The following CHTF18 variants were observed in gnomAD, a reference collection of about 807,000 sequenced individuals.
CHTF18 encodes chromosome transmission fidelity protein 18 homolog.
In CHTF18, 151 loss-of-function variants were observed where a neutral mutation model predicts 113.4. The observed-to-expected ratio is 1.33, with a 90% CI of 1.17 to 1.52. The LOEUF is 1.52. CHTF18 is among the 40% of genes most tolerant of loss of function. The probability of loss-of-function intolerance (pLI) is 0.00; values close to 1 mark genes in which losing one functional copy is unlikely to be tolerated. For synonymous variants in CHTF18, 916 were observed against 598.8 expected, an observed-to-expected ratio of 1.53 and a Z score of -7.74; for missense variants, 1,982 against 1,381.6, an observed-to-expected ratio of 1.43 and a Z score of -6.89.
intron 4 of CHTF18, 141 bp downstream of exon 4, chr16:789,856 G>A: frequency 7.6e-7 from 1 of 1,320,980 alleles, no homozygotes; most frequent in Admixed American, 2.2e-5. Flanking sequence ...GCTGCGTCAT[G>A]GGGCGTAGAC....
At chr16:790,022 G>A in intron 4 of CHTF18, 155 bp from the exon 5 acceptor site, 2 of 1,535,648 alleles carry the variant, frequency 1.3e-6, no homozygotes, top group Non-Finnish European at 1.7e-6. Flanking sequence ...CCATCTGGAT[G>A]GCTTCATTCC....
rs748938456 is a variant in CHTF18 at position 795,686 on chromosome 16, C to T, written c.2177C>T (p.Ala726Val). The change falls in exon 17 of 22, where the codon GCC becomes GTC. Residue 726 changes from alanine to valine, a missense_variant and splice_region_variant. Physicochemically the swap from Ala to Val is moderately conservative, Grantham distance 64. Coordinates refer to ENST00000262315, the MANE Select transcript of CHTF18 (RefSeq NM_022092.3). Reference protein sequence around the residue: ...RITFPSSQQEAQNRMSQMRNL... With the variant: ...RITFPSSQQEVQNRMSQMRNL... The stretch of plus-strand genomic sequence containing the variant: ...GCCTTGGCTCACCCCCTGCCCCAGG[C>T]CCAGAACCGGATGAGCCAGATGAGG... 17 of 1,593,486 alleles carry T rather than the reference C, an allele frequency of 1.1e-5. No homozygotes were observed. Among genetic ancestry groups the T allele is most frequent in the Non-Finnish European group, 1.4e-5 (16 of 1,173,884 alleles).
Position 793,961 on chromosome 16 carries a change from G to C in CHTF18, c.1803-93G>C, listed in dbSNP as rs115854143. The C allele has an allele frequency of 4.0e-3, 5,629 of 1,417,996 alleles. 73 individuals are homozygous for C. The highest frequency in any genetic ancestry group is 0.029 in the African/African-American group (2,092 of 71,098). 87.8% of individuals were successfully genotyped at this position (1,417,996 alleles called of 1,614,324 possible). A position where few individuals can be genotyped will look rare whatever the true frequency, so the allele number is the denominator to read the frequency against. On this transcript the variant is annotated intron_variant, in intron 14 of 21. Coordinates refer to ENST00000262315, the MANE Select transcript of CHTF18 (RefSeq NM_022092.3). ...GCTGAGAAGAATGAAGTGGGTGGCA[G>C]CTCTGATGGGGCCTCTGAGTGTCCC...
Position 796,842 on chromosome 16 carries a change from G to C in CHTF18, c.2582G>C (p.Arg861Pro), listed in dbSNP as rs781185303. 1 of 1,604,510 alleles carries C rather than the reference G, an allele frequency of 6.2e-7. No homozygotes were observed. Among genetic ancestry groups the C allele is most frequent in the Non-Finnish European group, 8.5e-7 (1 of 1,177,442 alleles). ...ATGCGGCGGGCGGAGGCTTCTGCCC[G>C]GGTAGAGAACAGCCCCCAGGTGAGC... ...EKMRRAEASA[R>P]VENSPQVDGS... is the part of the protein sequence containing the mutation. The change falls in exon 19 of 22, where the codon CGG becomes CCG. Residue 861 changes from arginine (R) to proline (P), a missense_variant. By Grantham distance (103) the Arg-to-Pro change is moderately radical. Transcript: ENST00000262315.
chr16:793,751 C>T (rs78428412), intron 14 of CHTF18: 1 of 663,416 alleles, frequency 1.5e-6, no homozygotes, highest in Admixed American at 2.1e-5. Context: ...CTGGCCTGGG[C>T]CTGTGGGATG....
rs1377778026 is a variant in CHTF18, at chr16:788,650, G to A, written c.-35G>A. 6.8e-7 allele frequency: 1 copy of A among 1,463,798 alleles called. No homozygotes were observed. Among genetic ancestry groups the A allele is most frequent in the Admixed American group, 2.5e-5 (1 of 39,610 alleles). The allele number at this position is 1,463,798 out of a possible 1,614,324, so 90.7% of individuals were successfully genotyped here. A position where few individuals can be genotyped will look rare whatever the true frequency, so the allele number is the denominator to read the frequency against. On this transcript the variant is annotated 5_prime_UTR_variant, in exon 1 of 22. Coordinates refer to ENST00000262315, the MANE Select transcript of CHTF18 (RefSeq NM_022092.3). ...GTGCGCGACGGCGGCGGCGGCGCGGGAGGTTCGGAGCGGGAGCTCGGGCTC... is the reference window on the plus strand; with the variant it reads ...GTGCGCGACGGCGGCGGCGGCGCGGAAGGTTCGGAGCGGGAGCTCGGGCTC...
Position 797,911 on chromosome 16 carries a change from T to G in CHTF18, c.2864T>G (p.Phe955Cys), listed in dbSNP as rs1327676558. Residue 955 changes from phenylalanine (F) to cysteine (C), a missense_variant, in exon 22 of 22, where the codon TTC (phenylalanine) becomes TGC (cysteine). Coordinates refer to ENST00000262315, the MANE Select transcript of CHTF18 (RefSeq NM_022092.3). ...GCGGTGGGCAGGAGCGAGGTCTGGT[T>G]CCGCTTCAACGAGGGTGTCTCCAAC... is the stretch of plus-strand genomic sequence containing the variant. Reference protein sequence around the residue: ...GTAVGRSEVWFRFNEGVSNAV... With the variant: ...GTAVGRSEVWCRFNEGVSNAV... The G allele has an allele frequency of 6.2e-7, 1 of 1,612,026 alleles. No individual in the cohort carries two copies. Among genetic ancestry groups the G allele is most frequent in the Non-Finnish European group, 8.5e-7 (1 of 1,179,694 alleles).
intron 15 of CHTF18, chr16:794,719 G>T: frequency 4.1e-6 from 1 of 242,644 alleles, no homozygotes; most frequent in Non-Finnish European, 8.1e-6. Flanking sequence ...CAGCGGCGGG[G>T]ATAGACTCCC....
chr16:796,523 C>T (rs1223004675), intron 18 of CHTF18, 194 bp from the exon 19 acceptor site: 2 of 627,610 alleles, frequency 3.2e-6, no homozygotes, highest in Admixed American at 3.3e-5. Context: ...CGTACACTTG[C>T]AGTTGGGGAA....
chr16:796,149 A>G (rs2042340922), intron 18 of CHTF18, 72 bp downstream of exon 18: 3 of 1,538,706 alleles, frequency 1.9e-6, no homozygotes, highest in South Asian at 1.2e-5. Context: ...CAGGGCCCGC[A>G]TGGGGCCAGG....
chr16:795,821 C>A lies in CHTF18; in HGVS notation c.2312C>A (p.Pro771His). The change falls in exon 17 of 22, where the codon CCC becomes CAC. Residue 771 changes from proline to histidine, a missense_variant. Pro to His is a moderately conservative substitution (Grantham distance 77). Transcript: ENST00000262315. ...TGCCTGCTCCTGGACATTCTTGCACCCAAGCTCCGCCCCGTGAGTGCCGTC... is the reference window on the plus strand; with the variant it reads ...TGCCTGCTCCTGGACATTCTTGCACACAAGCTCCGCCCCGTGAGTGCCGTC... The part of the protein sequence containing the change: ...ALCLLLDILA[P>H]KLRPVSTQLY... 6.2e-7 allele frequency: 1 copy of A among 1,609,704 alleles called. No homozygotes were observed. Among genetic ancestry groups the A allele is most frequent in the Non-Finnish European group, 8.5e-7 (1 of 1,178,768 alleles).
rs1004827858 is a variant in CHTF18, at chr16:790,520, T to C, written c.753-5T>C. 3 of 1,602,826 alleles carry C rather than the reference T, an allele frequency of 1.9e-6. No homozygotes were observed. The highest frequency in any genetic ancestry group is 1.3e-5 in the African/African-American group (1 of 74,616). ...GTTTGTGGCTCAGGACGTGGTCCTC[T>C]CCAGTCTCAGGTCGGGGGAGGAGGA... On this transcript the variant is annotated splice_region_variant and splice_polypyrimidine_tract_variant and intron_variant, in intron 6 of 21. Transcript: ENST00000262315.
rs565099873 is a variant in CHTF18 at position 792,265 on chromosome 16, C to T, written c.1244C>T (p.Ala415Val). 1.6e-4 allele frequency: 257 copies of T among 1,564,202 alleles called. No homozygotes were observed. Among genetic ancestry groups the T allele is most frequent in the South Asian group, 3.2e-4 (27 of 84,864 alleles). Reference protein sequence around the residue: ...SPEVFRTRIEAATQMESVLGA... With the variant: ...SPEVFRTRIEVATQMESVLGA... ...GAGGTCTTCCGCACACGCATCGAGG[C>T]GGCCACCCAGATGGAGTCGGTGCTG... is the stretch of plus-strand genomic sequence containing the variant. The change falls in exon 10 of 22, where the codon GCG becomes GTG. Residue 415 changes from alanine (A) to valine (V), a missense_variant. Physicochemically the swap from Ala to Val is moderately conservative, Grantham distance 64. Transcript: ENST00000262315.
rs757939458 is a variant in CHTF18 at position 793,040 on chromosome 16, C to A, written c.1647C>A (p.Ile549=). The change falls in exon 13 of 22, where the codon ATC becomes ATA. Residue 549 remains isoleucine (I), a synonymous_variant. Transcript: ENST00000262315. ...AALCEKTDND[I]RACINTLQFL... is the part of the protein sequence containing the mutation. ...TCTGTGAGAAAACTGACAATGACAT[C>A]CGGGCCTGCATCAACACCCTGCAGG... is the stretch of plus-strand genomic sequence containing the variant. 1 of 1,565,622 alleles carries A rather than the reference C, an allele frequency of 6.4e-7. No individual in the cohort carries two copies. The highest frequency in any genetic ancestry group is 1.4e-5 in the African/African-American group (1 of 73,760).
Position 796,944 on chromosome 16 carries a change from A to C in CHTF18, c.2602-17A>C, listed in dbSNP as rs368936663. 191 of 1,527,596 alleles carry C rather than the reference A, an allele frequency of 1.3e-4. No individual in the cohort carries two copies. Among genetic ancestry groups the C allele is most frequent in the Non-Finnish European group, 1.6e-4 (180 of 1,133,848 alleles). The allele number at this position is 1,527,596 out of a possible 1,614,324, so 94.6% of individuals were successfully genotyped here. On this transcript the variant is annotated splice_polypyrimidine_tract_variant and intron_variant, in intron 19 of 21. Coordinates refer to ENST00000262315, the MANE Select transcript of CHTF18 (RefSeq NM_022092.3). ...TATCCCTGTGTGGCCAGATCTCACA[A>C]TGCCTGCTCCCTACAGGTGGATGGG...
rs943313270 is a variant in CHTF18 at position 790,227 on chromosome 16, G to A, written c.657G>A (p.Leu219=). ...GAGGCGGTGGCCAGCTGGACCTGCT[G>A]GGTGTGTCCTTAGCCTCCCTGAAGA... is the stretch of plus-strand genomic sequence containing the variant. ...PWRGGGQLDL[L]GVSLASLKKQ... The change falls in exon 5 of 22, where the codon CTG becomes CTA. Residue 219 remains leucine, a synonymous_variant. Transcript: ENST00000262315. 3 of 1,606,604 alleles carry A rather than the reference G, an allele frequency of 1.9e-6. No individual in the cohort carries two copies. Among genetic ancestry groups the A allele is most frequent in the African/African-American group, 1.3e-5 (1 of 74,898 alleles).
At chr16:791,508 T>G in intron 8 of CHTF18, 138 bp downstream of exon 8, 1 of 1,442,614 alleles carries the variant, frequency 6.9e-7, no homozygotes, top group Non-Finnish European at 9.1e-7. Context: ...GCCATTAGCG[T>G]GAGTTAGAAC....
intron 12 of CHTF18, 21 bp from the exon 13 acceptor site, chr16:792,945 C>T (rs1187643077): frequency 5.2e-6 from 8 of 1,549,114 alleles, no homozygotes; most frequent in Admixed American, 2.0e-5. Flanking sequence ...ATCGGGCCCT[C>T]CAGCAGCCCT....
At position 796,010 on chromosome 16, in the gene CHTF18, C is replaced by G. The variant is rs746529185; in HGVS notation, c.2389C>G (p.Leu797Val). 2 of 1,607,382 alleles carry G rather than the reference C, an allele frequency of 1.2e-6. No individual in the cohort carries two copies. The highest frequency in any genetic ancestry group is 1.7e-6 in the Non-Finnish European group (2 of 1,177,644). The change falls in exon 18 of 22, where the codon CTC becomes GTC. Residue 797 changes from leucine to valine, a missense_variant. By Grantham distance (32) the Leu-to-Val change is conservative (BLOSUM62 1). Coordinates refer to ENST00000262315, the MANE Select transcript of CHTF18 (RefSeq NM_022092.3). Reference protein sequence around the residue: ...QQLASLVGTMLAYSLTYRQER... With the variant: ...QQLASLVGTMVAYSLTYRQER... ...GCTGGCCAGCCTGGTGGGCACGATG[C>G]TCGCTTACAGCCTGACCTACCGCCA...
Sources: gnomAD v4.1 joint callset for allele counts on GRCh38, gnomAD v4.1.1 for gene constraint, MANE v1.5 for transcripts, NCBI Gene and HGNC (gene_info 2026-07-23, HGNC 2026-07-21) for gene names.